Variants in CADPS2 observed in about 807,000 individuals in gnomAD.
CADPS2 encodes the protein calcium-dependent secretion activator 2.
Under a neutral mutation model 172.5 loss-of-function variants are expected in CADPS2, and 93 were observed. The ratio of observed to expected loss-of-function variants is 0.54; its 90% CI spans 0.46 to 0.64. The LOEUF is 0.64. Among genes scored for constraint, CADPS2 ranks in the 30% least tolerant of loss-of-function variants. The pLI, the probability that CADPS2 is intolerant of heterozygous loss-of-function variation, is 0.00. For synonymous variants in CADPS2, 546 were observed against 555.2 expected (o/e 0.98, Z 0.23); for missense variants, 1,420 against 1,565.9 (o/e 0.91, Z 1.57).
chr7:122,741,028 T>A (rs989821735), intron 1 of CADPS2, among the ~76,000 whole-genome samples: 1 of 152,108 alleles, frequency 6.6e-6, no homozygotes, highest in South Asian at 2.1e-4. Flanking sequence ...AGAAATGACA[T>A]GTGTAGAAGG....
intron 25 of CADPS2, among the ~76,000 whole-genome samples, chr7:122,375,827 T>G (rs2042272093): frequency 6.6e-6 from 1 of 150,506 alleles, no homozygotes; most frequent in Admixed American, 6.6e-5. Context: ...AAAGGCAACC[T>G]ACAAAATGGG....
intron 18 of CADPS2, among the ~76,000 whole-genome samples, chr7:122,415,828 A>G (rs757961813): frequency 2.0e-5 from 3 of 152,214 alleles, no homozygotes; most frequent in Non-Finnish European, 4.4e-5. Flanking sequence ...ACACACACAC[A>G]ATTGCTTTGT....
intron 18 of CADPS2, among the ~76,000 whole-genome samples, chr7:122,415,228 G>A (rs1259414390): frequency 2.0e-5 from 3 of 152,144 alleles, no homozygotes; most frequent in East Asian, 3.9e-4. Flanking sequence ...TCAACCATAC[G>A]CTTATGATTG....
chr7:122,724,964 A>T (rs1189925600), intron 2 of CADPS2, among the ~76,000 whole-genome samples: 1 of 152,088 alleles, frequency 6.6e-6, no homozygotes, highest in African/African-American at 2.4e-5. Context: ...AAATTATTTT[A>T]AAAAACAAAT....
chr7:122,751,731 C>T (rs1027566192), intron 1 of CADPS2, among the ~76,000 whole-genome samples: 3 of 152,184 alleles, frequency 2.0e-5, no homozygotes, highest in African/African-American at 7.2e-5. Flanking sequence ...CACACTGCCA[C>T]ATGCTACACT....
intron 7 of CADPS2, among the ~76,000 whole-genome samples, chr7:122,558,210 T>TA (rs1176732346): frequency 3.9e-5 from 6 of 152,170 alleles, no homozygotes; most frequent in Non-Finnish European, 7.4e-5. Flanking sequence ...TGTTTTTTTT[T>TA]ATTAGAAGCA....
At chr7:122,666,843 C>A (rs1281821897) in intron 2 of CADPS2, among the ~76,000 whole-genome samples, 1 of 152,120 alleles carries the variant, frequency 6.6e-6, no homozygotes, top group Non-Finnish European at 1.5e-5. Context: ...CAGTGTGGCA[C>A]CCCACTGTGG....
At chr7:122,506,080 A>G (rs186899788) in intron 9 of CADPS2, among the ~76,000 whole-genome samples, 40 of 152,276 alleles carry the variant, frequency 2.6e-4, no homozygotes, top group African/African-American at 8.7e-4. Context: ...TAGCAGGGTC[A>G]CCCTGCTCCC....
chr7:122,609,354 A>T (rs1044616545), intron 6 of CADPS2, among the ~76,000 whole-genome samples: 10 of 152,198 alleles, frequency 6.6e-5, no homozygotes, highest in Non-Finnish European at 1.0e-4. Context: ...CTAACATTAA[A>T]ATAAATGAAA....
intron 25 of CADPS2, among the ~76,000 whole-genome samples, chr7:122,371,559 T>TA (rs1366895550): frequency 2.0e-5 from 3 of 152,090 alleles, no homozygotes; most frequent in East Asian, 3.9e-4. Flanking sequence ...CACATGGGGA[T>TA]TATAGGGATT....
chr7:122,559,734 G>T (rs2132156718), intron 7 of CADPS2, among the ~76,000 whole-genome samples: 1 of 141,502 alleles, frequency 7.1e-6, no homozygotes, highest in East Asian at 2.1e-4. Flanking sequence ...CTGTGCCATT[G>T]CACTCCAGCC....
At chr7:122,699,314 A>G (rs6944692) in intron 2 of CADPS2, among the ~76,000 whole-genome samples, 151,304 of 152,278 alleles carry the variant, frequency 0.99, 75,174 homozygotes, top group Non-Finnish European at 1. Context: ...ATGGTAGTAG[A>G]TAGCACATTA....
intron 28 of CADPS2, chr7:122,339,102 G>T (rs1395773910): frequency 6.6e-6 from 1 of 152,056 alleles, no homozygotes; most frequent in Admixed American, 6.5e-5. Context: ...TATAAGACAT[G>T]CAAGAAGGCA....
chr7:122,442,887 A>C (rs2051558696), intron 15 of CADPS2, among the ~76,000 whole-genome samples: 1 of 152,174 alleles, frequency 6.6e-6, no homozygotes, highest in Admixed American at 6.5e-5. Flanking sequence ...ACCCACACGC[A>C]CAAGAAAGCC....
intron 25 of CADPS2, among the ~76,000 whole-genome samples, chr7:122,376,061 T>A (rs1216819359): frequency 6.6e-6 from 1 of 152,142 alleles, no homozygotes. Flanking sequence ...TTTGGATGGC[T>A]ATTATCAACA....
At chr7:122,441,022 T>C (rs1047177693) in intron 16 of CADPS2, among the ~76,000 whole-genome samples, 1 of 151,722 alleles carries the variant, frequency 6.6e-6, no homozygotes, top group African/African-American at 2.4e-5. Context: ...AATATGTGAA[T>C]TCATTTAAGG....
intron 17 of CADPS2, among the ~76,000 whole-genome samples, chr7:122,438,027 T>C (rs535607211): frequency 6.6e-6 from 1 of 152,250 alleles, no homozygotes; most frequent in South Asian, 2.1e-4. Flanking sequence ...AGTTTAAATG[T>C]TAGACATACT....
intron 1 of CADPS2, among the ~76,000 whole-genome samples, chr7:122,816,726 T>C (rs1801533346): frequency 1.3e-5 from 2 of 152,176 alleles, no homozygotes; most frequent in Admixed American, 1.3e-4. Context: ...TAAAAGTCAT[T>C]TTTGTCAGGC....
At chr7:122,483,108 GA>G (rs771210234) in intron 11 of CADPS2, among the ~76,000 whole-genome samples, 66 of 152,206 alleles carry the variant, frequency 4.3e-4, no homozygotes, top group Non-Finnish European at 7.9e-4. Flanking sequence ...AACAAAACTT[GA>G]AAGCAAAGCT....
Sources: allele counts gnomAD v4.1 joint callset (sites outside exome capture counted in the v4.1 genomes callset), GRCh38; gene constraint gnomAD v4.1.1; transcripts MANE v1.5; gene names NCBI Gene and HGNC (gene_info 2026-07-23, HGNC 2026-07-21).